The following SCN2A variants were observed in gnomAD, a reference collection of about 807,000 sequenced individuals.
SCN2A encodes the protein sodium channel protein type 2 subunit alpha.
Under a neutral mutation model 188.7 loss-of-function variants are expected in SCN2A, and 20 were observed. The ratio of observed to expected loss-of-function variants is 0.11; its 90% CI spans 0.07 to 0.15. SCN2A has a LOEUF of 0.15. SCN2A is among the 10% of genes least tolerant of loss of function. The pLI is 1.00. For synonymous variants in SCN2A, 804 were observed against 833.1 expected, an observed-to-expected ratio of 0.97 and a Z score of 0.60; for missense variants, 1,278 against 2,445.0, an observed-to-expected ratio of 0.52 and a Z score of 10.07.
At chr2:165,312,652 G>T (rs1416061918) in intron 8 of SCN2A, among the ~76,000 whole-genome samples, 2 of 152,092 alleles carry the variant, frequency 1.3e-5, no homozygotes, top group African/African-American at 4.8e-5. Context: ...ATTAATAAAT[G>T]TATAGCTATT....
At chr2:165,343,746 A>G (rs1699430166) in intron 15 of SCN2A, among the ~76,000 whole-genome samples, 1 of 152,214 alleles carries the variant, frequency 6.6e-6, no homozygotes, top group Non-Finnish European at 1.5e-5. Context: ...ACAATGAGAA[A>G]GACATTTACA....
chr2:165,333,782 A>G (rs10167223), intron 14 of SCN2A, among the ~76,000 whole-genome samples: 42,112 of 151,376 alleles, frequency 0.28, 6,177 homozygotes, highest in Middle Eastern at 0.48. Context: ...AGAAAAGACA[A>G]ATATTAAAGA....
At chr2:165,317,688 G>A (rs1373510218) in intron 11 of SCN2A, among the ~76,000 whole-genome samples, 2 of 152,052 alleles carry the variant, frequency 1.3e-5, no homozygotes, top group Non-Finnish European at 2.9e-5. Flanking sequence ...TATTCTCCCA[G>A]CAGCCTCTTC....
intron 1 of SCN2A, among the ~76,000 whole-genome samples, chr2:165,282,383 G>C (rs1029770794): frequency 1.3e-5 from 2 of 152,102 alleles, no homozygotes; most frequent in Non-Finnish European, 2.9e-5. Flanking sequence ...TGGGGGATGG[G>C]GGCAGACATT....
intron 19 of SCN2A, among the ~76,000 whole-genome samples, chr2:165,369,081 A>G (rs1021678814): frequency 6.6e-6 from 1 of 151,952 alleles, no homozygotes; most frequent in Non-Finnish European, 1.5e-5. Flanking sequence ...GTGAGCTACC[A>G]CACCTGGCTA....
chr2:165,297,976 T>A (rs561218072), intron 3 of SCN2A, among the ~76,000 whole-genome samples: 1 of 152,090 alleles, frequency 6.6e-6, no homozygotes, highest in East Asian at 1.9e-4. Context: ...CAGAAACAAG[T>A]CTTGTTGACA....
At chr2:165,368,226 A>T (rs1440980133) in intron 19 of SCN2A, among the ~76,000 whole-genome samples, 1 of 152,072 alleles carries the variant, frequency 6.6e-6, no homozygotes, top group Non-Finnish European at 1.5e-5. Context: ...CTATGCTGTC[A>T]AGCTGTCCCT....
chr2:165,354,314 C>A lies in SCN2A; in HGVS notation c.3042C>A (p.Ile1014=). The change falls in exon 17 of 27, where the codon ATC becomes ATA. Residue 1014 remains isoleucine (I), a synonymous_variant. Coordinates refer to ENST00000375437, the MANE Select transcript of SCN2A (RefSeq NM_001040142.2). ...QIAVGRMQKG[I]DFVKRKIREF... ...CTGTGGGAAGGATGCAGAAAGGAAT[C>A]GATTTTGTTAAAAGAAAAATACGTG... is the stretch of plus-strand genomic sequence containing the variant. The A allele has an allele frequency of 6.2e-7, 1 of 1,613,940 alleles. No homozygotes were observed.
At chr2:165,304,036 T>C (rs1404894328) in intron 3 of SCN2A, among the ~76,000 whole-genome samples, 3 of 152,174 alleles carry the variant, frequency 2.0e-5, no homozygotes. Context: ...ATAAGGCTGT[T>C]AATTTCCACC....
intron 12 of SCN2A, 122 bp from the exon 13 acceptor site, chr2:165,326,730 T>C: frequency 1.8e-6 from 2 of 1,122,528 alleles, no homozygotes; most frequent in Non-Finnish European, 2.7e-6. Context: ...AATATCTTAG[T>C]GAGCTTTTTA....
chr2:165,323,081 T>G, intron 11 of SCN2A, 75 bp from the exon 12 acceptor site: 1 of 1,370,776 alleles, frequency 7.3e-7, no homozygotes. Context: ...ACACAATGAA[T>G]CAAATTCTGT....
At chr2:165,348,121 G>T (rs550429531) in intron 16 of SCN2A, among the ~76,000 whole-genome samples, 1 of 152,290 alleles carries the variant, frequency 6.6e-6, no homozygotes, top group East Asian at 1.9e-4. Flanking sequence ...CATTTTGGGA[G>T]ACTGAAGTGG....
At chr2:165,286,372 G>C (rs1049152560) in intron 1 of SCN2A, among the ~76,000 whole-genome samples, 3 of 152,142 alleles carry the variant, frequency 2.0e-5, no homozygotes, top group Non-Finnish European at 2.9e-5. Flanking sequence ...TGGAGACCTT[G>C]GTACAGAAAT....
chr2:165,364,601 T>C (rs1414878236), intron 17 of SCN2A, among the ~76,000 whole-genome samples: 1 of 152,176 alleles, frequency 6.6e-6, no homozygotes, highest in African/African-American at 2.4e-5. Context: ...GCTGCTCTTT[T>C]TGGAATTAGA....
intron 16 of SCN2A, among the ~76,000 whole-genome samples, chr2:165,351,127 T>C (rs1699889019): frequency 6.6e-6 from 1 of 152,126 alleles, no homozygotes; most frequent in Non-Finnish European, 1.5e-5. Context: ...ACTTAGTAGG[T>C]AACAGAAAAT....
intron 11 of SCN2A, among the ~76,000 whole-genome samples, chr2:165,317,134 TATTC>T (rs780989854): frequency 2.0e-4 from 30 of 152,156 alleles, no homozygotes; most frequent in Non-Finnish European, 1.2e-4. Context: ...AGGTCAGCCT[TATTC>T]ATTTCAAATC....
chr2:165,379,807 C>A (rs950412030), intron 23 of SCN2A, among the ~76,000 whole-genome samples: 9 of 151,652 alleles, frequency 5.9e-5, no homozygotes, highest in African/African-American at 2.2e-4. Flanking sequence ...CATCTATTAT[C>A]ATCATCAGGG....
intron 2 of SCN2A, 70 bp downstream of exon 2, chr2:165,296,160 G>A: frequency 1.4e-6 from 2 of 1,473,826 alleles, no homozygotes; most frequent in Non-Finnish European, 1.9e-6. Context: ...CAGGGATGAT[G>A]GTGAAGAAGG....
intron 17 of SCN2A, among the ~76,000 whole-genome samples, chr2:165,355,802 G>T (rs1186983817): frequency 1.3e-5 from 2 of 152,068 alleles, no homozygotes; most frequent in African/African-American, 4.8e-5. Flanking sequence ...TTCGAGACCA[G>T]CGTGGCCAAC....
Sources: allele counts gnomAD v4.1 joint callset (sites outside exome capture counted in the v4.1 genomes callset), GRCh38; gene constraint gnomAD v4.1.1; transcripts MANE v1.5; gene names NCBI Gene and HGNC (gene_info 2026-07-23, HGNC 2026-07-21).